Variants in PRKG2 observed in about 807,000 individuals in gnomAD.
PRKG2 encodes the protein cGMP-dependent protein kinase 2.
Under a neutral mutation model 97.2 loss-of-function variants are expected in PRKG2, and 33 were observed. The observed-to-expected ratio is 0.34, with a 90% confidence interval of 0.26 to 0.45. The LOEUF is 0.45. Ranked by LOEUF, PRKG2 falls within the 20% of genes least tolerant of loss-of-function variation. The pLI is 1.00. For synonymous variants in PRKG2, 330 were observed against 321.8 expected (o/e 1.03, Z -0.27); for missense variants, 638 against 900.0 (o/e 0.71, Z 3.73).
At chr4:81,209,929 C>T (rs540883574) in intron 1 of PRKG2, among the ~76,000 whole-genome samples, 1 of 152,166 alleles carries the variant, frequency 6.6e-6, no homozygotes, top group East Asian at 1.9e-4. Context: ...GTACAGTCAA[C>T]TGATCCAAAG....
intron 14 of PRKG2, among the ~76,000 whole-genome samples, chr4:81,133,112 C>T (rs954980029): frequency 6.6e-6 from 1 of 152,066 alleles, no homozygotes; most frequent in African/African-American, 2.4e-5. Context: ...ATGCCACCAA[C>T]ATAGATTCAT....
chr4:81,156,358 T>C (rs1231925565), intron 6 of PRKG2, among the ~76,000 whole-genome samples: 1 of 152,150 alleles, frequency 6.6e-6, no homozygotes, highest in Non-Finnish European at 1.5e-5. Flanking sequence ...GGTAAAGGGA[T>C]CAATTCAGCA....
At chr4:81,217,564 T>G (rs1455393275), upstream of PRKG2, among the ~76,000 whole-genome samples, 1 of 152,214 alleles carries the variant, frequency 6.6e-6, no homozygotes, top group Non-Finnish European at 1.5e-5. Context: ...AGCTCCTGCA[T>G]CTCAGGCCCA....
Position 81,110,453 on chromosome 4 carries a change from C to G in PRKG2, c.1935G>C (p.Thr645=). The change falls in exon 15 of 19, where the codon ACG becomes ACC. Residue 645 remains threonine, a synonymous_variant. Coordinates refer to ENST00000264399, the MANE Select transcript of PRKG2 (RefSeq NM_006259.3). ...TAAAACTTGAAGGTACATACTTGCC[C>G]GTTAGGAGCTCATACACTAGAATTC... The part of the protein sequence containing the change: ...SLGILVYELL[T]GNPPFSGVDQ... The G allele has an allele frequency of 1.9e-6, 3 of 1,611,794 alleles. No individual in the cohort carries two copies. The highest frequency in any genetic ancestry group is 2.5e-6 in the Non-Finnish European group (3 of 1,179,366).
chr4:81,174,618 C>T (rs1750764004), intron 3 of PRKG2, among the ~76,000 whole-genome samples, 175 bp downstream of exon 3: 1 of 151,970 alleles, frequency 6.6e-6, no homozygotes, highest in Non-Finnish European at 1.5e-5. Context: ...TAAATATTAC[C>T]ATCAATTAAA....
At chr4:81,145,958 T>C (rs942230817) in intron 9 of PRKG2, among the ~76,000 whole-genome samples, 2 of 152,142 alleles carry the variant, frequency 1.3e-5, no homozygotes, top group Admixed American at 1.3e-4. Flanking sequence ...AAGCACATAT[T>C]ACCTACTGTG....
intron 6 of PRKG2, among the ~76,000 whole-genome samples, chr4:81,165,319 T>C (rs1749884807): frequency 6.6e-6 from 1 of 152,042 alleles, no homozygotes; most frequent in Non-Finnish European, 1.5e-5. Flanking sequence ...AAATTCTGAT[T>C]CTCCCTTCCT....
intron 6 of PRKG2, among the ~76,000 whole-genome samples, chr4:81,165,267 T>C (rs1749881076): frequency 6.6e-6 from 1 of 152,114 alleles, no homozygotes; most frequent in Admixed American, 6.6e-5. Flanking sequence ...TTCAACCGTC[T>C]AAGTTTCAAC....
chr4:81,144,402 C>T, intron 9 of PRKG2, 72 bp from the exon 10 acceptor site: 1 of 1,187,038 alleles, frequency 8.4e-7, no homozygotes, highest in Non-Finnish European at 1.2e-6. Context: ...CTTCTAAGCT[C>T]ATAAAACACA....
intron 2 of PRKG2, among the ~76,000 whole-genome samples, chr4:81,182,704 A>G (rs936777738): frequency 3.3e-5 from 5 of 152,144 alleles, no homozygotes; most frequent in African/African-American, 1.2e-4. Context: ...CAACAATCTC[A>G]CTTGATATAA....
intron 3 of PRKG2, 67 bp from the exon 4 acceptor site, chr4:81,171,871 G>A: frequency 9.1e-7 from 1 of 1,093,930 alleles, no homozygotes; most frequent in Non-Finnish European, 1.3e-6. Flanking sequence ...CTATAAATTA[G>A]TAAAATAAAA....
At chr4:81,132,557 T>A (rs1746282143) in intron 14 of PRKG2, among the ~76,000 whole-genome samples, 1 of 152,122 alleles carries the variant, frequency 6.6e-6, no homozygotes, top group Non-Finnish European at 1.5e-5. Flanking sequence ...TGTCCTGAAG[T>A]GAACAGCTGT....
At chr4:81,157,833 T>C (rs1402351305) in intron 6 of PRKG2, among the ~76,000 whole-genome samples, 4 of 149,836 alleles carry the variant, frequency 2.7e-5, no homozygotes, top group South Asian at 4.2e-4. Flanking sequence ...AAAAACCACA[T>C]GATTATCTCA....
Position 81,095,153 on chromosome 4 carries a change from T to C in PRKG2, c.2127-2701A>G, listed in dbSNP as rs185288806. Among the ~76,000 whole-genome samples, 5 of 152,306 alleles carry C rather than the reference T, an allele frequency of 3.3e-5. No homozygotes were observed. In the East Asian group the frequency reaches 9.7e-4, roughly 29 times the overall value. On this transcript the variant is annotated intron_variant, in intron 17 of 18. Transcript: ENST00000264399. ...GGATTTCCTATTACAAGTCTAAGCTTAGCAATAGAAAAGGAACGAAAAACA... is the reference window on the plus strand; with the variant it reads ...GGATTTCCTATTACAAGTCTAAGCTCAGCAATAGAAAAGGAACGAAAAACA...
At chr4:81,216,731 G>A (rs1244952750), upstream of PRKG2, among the ~76,000 whole-genome samples, 1 of 151,890 alleles carries the variant, frequency 6.6e-6, no homozygotes, top group Non-Finnish European at 1.5e-5. Flanking sequence ...TTCCATTCTG[G>A]ATACTCATGC....
chr4:81,100,568 A>G (rs1342345594), intron 17 of PRKG2, among the ~76,000 whole-genome samples: 2 of 152,312 alleles, frequency 1.3e-5, no homozygotes, highest in African/African-American at 4.8e-5. Context: ...TTAATTCAAG[A>G]TGGATTAAAG....
chr4:81,093,505 C>T (rs1347014355), intron 17 of PRKG2, among the ~76,000 whole-genome samples: 1 of 152,040 alleles, frequency 6.6e-6, no homozygotes, highest in Non-Finnish European at 1.5e-5. Flanking sequence ...TTCTATCTCC[C>T]CACTAGAAAG....
chr4:81,167,307 A>G, intron 5 of PRKG2, 83 bp from the exon 6 acceptor site: 2 of 861,060 alleles, frequency 2.3e-6, no homozygotes, highest in East Asian at 2.8e-5. Flanking sequence ...AAATCTTTAC[A>G]TACATTTTAA....
At chr4:81,101,559 C>T (rs1213190024) in intron 17 of PRKG2, among the ~76,000 whole-genome samples, 6 of 91,684 alleles carry the variant, frequency 6.5e-5, no homozygotes, top group Admixed American at 6.0e-4. Context: ...CACACCGGGG[C>T]CTGTTGTGGG....
Sources: allele counts gnomAD v4.1 joint callset (sites outside exome capture counted in the v4.1 genomes callset), GRCh38; gene constraint gnomAD v4.1.1; transcripts MANE v1.5; gene names NCBI Gene and HGNC (gene_info 2026-07-23, HGNC 2026-07-21).